DYM: variants seen among roughly 807,000 people sequenced by gnomAD.
DYM encodes dyggve-Melchior-Clausen syndrome protein.
A neutral mutation model predicts 93.1 loss-of-function variants in DYM; 78 were observed. That is an observed-to-expected ratio of 0.84 (90% CI 0.70 to 1.01). The LOEUF is 1.01. Ranked by LOEUF, DYM falls within the 50% of genes least tolerant of loss-of-function variation. The pLI is 0.00. For missense variants in DYM, 789 were observed against 845.0 expected (o/e 0.93, Z 0.82); for synonymous variants, 321 against 319.7 (o/e 1.00, Z -0.04).
chr18:49,305,914 A>G (rs1004506550), intron 8 of DYM, among the ~76,000 whole-genome samples: 5 of 152,250 alleles, frequency 3.3e-5, no homozygotes, highest in African/African-American at 1.2e-4. Flanking sequence ...TTCATTTACC[A>G]ACAGTCCATT....
At chr18:49,304,281 A>T (rs1177766421) in intron 8 of DYM, among the ~76,000 whole-genome samples, 5 of 152,138 alleles carry the variant, frequency 3.3e-5, no homozygotes, top group Admixed American at 3.3e-4. Context: ...TTCAAGTAGG[A>T]CACCCACTTC....
chr18:49,139,500 G>T (rs894126713), intron 15 of DYM, among the ~76,000 whole-genome samples: 5 of 152,096 alleles, frequency 3.3e-5, no homozygotes, highest in South Asian at 2.1e-4. Flanking sequence ...TAAAACTACT[G>T]TTTGAGGGAG....
At chr18:49,297,041 T>A (rs1332998599) in intron 8 of DYM, among the ~76,000 whole-genome samples, 1 of 152,148 alleles carries the variant, frequency 6.6e-6, no homozygotes, top group Non-Finnish European at 1.5e-5. Context: ...TTTTAAAGTG[T>A]ACAAGTAATA....
chr18:49,236,934 T>C (rs2093884857), intron 13 of DYM, among the ~76,000 whole-genome samples: 2 of 152,238 alleles, frequency 1.3e-5, no homozygotes, highest in Non-Finnish European at 2.9e-5. Context: ...TTTTCCTTGT[T>C]GCTTAACGAA....
intron 14 of DYM, among the ~76,000 whole-genome samples, chr18:49,186,020 TG>T (rs760958938): frequency 3.7e-4 from 56 of 152,320 alleles, no homozygotes; most frequent in Middle Eastern, 6.8e-3. Context: ...TTCCTGTCTT[TG>T]TGATCTATTA....
intron 2 of DYM, among the ~76,000 whole-genome samples, chr18:49,392,681 TA>T (rs869086187): frequency 0.22 from 14,755 of 67,544 alleles, 1,408 homozygotes; most frequent in African/African-American, 0.33. Flanking sequence ...GGCTTTTATT[TA>T]AAAAAAAAAA....
At chr18:49,383,356 G>A (rs1045059517) in intron 3 of DYM, among the ~76,000 whole-genome samples, 3 of 152,122 alleles carry the variant, frequency 2.0e-5, no homozygotes, top group African/African-American at 7.2e-5. Context: ...ACGGTGGAGG[G>A]AGAGGTAGAA....
At chr18:49,285,932 A>G (rs2059634962) in intron 9 of DYM, among the ~76,000 whole-genome samples, 1 of 152,230 alleles carries the variant, frequency 6.6e-6, no homozygotes, top group Non-Finnish European at 1.5e-5. Flanking sequence ...TTTACATAGT[A>G]CCTATGGCTG....
At chr18:49,365,960 A>G (rs1568324297) in intron 5 of DYM, among the ~76,000 whole-genome samples, 1 of 152,232 alleles carries the variant, frequency 6.6e-6, no homozygotes, top group African/African-American at 2.4e-5. Flanking sequence ...CCAATCTAAT[A>G]AAATAATGAA....
chr18:49,292,355 G>GACAGACAGACACACACAC (rs769423170), intron 8 of DYM, among the ~76,000 whole-genome samples: 2 of 84,744 alleles, frequency 2.4e-5, no homozygotes, highest in South Asian at 9.0e-4. Context: ...CAGACAGACA[G>GACAGACAGACACACACAC]ACACACACAC....
intron 3 of DYM, among the ~76,000 whole-genome samples, chr18:49,386,724 G>A (rs1402862767): frequency 1.3e-5 from 2 of 152,166 alleles, no homozygotes; most frequent in South Asian, 2.1e-4. Flanking sequence ...GTGAAAGTCT[G>A]AGTGAAGGGT....
At chr18:49,423,918 C>G (rs1230242416) in intron 2 of DYM, among the ~76,000 whole-genome samples, 2 of 151,904 alleles carry the variant, frequency 1.3e-5, no homozygotes, top group South Asian at 4.1e-4. Context: ...GCCTATAAAC[C>G]AAAAAAAGTC....
chr18:49,061,844 T>A (rs2076006300), intron 17 of DYM, among the ~76,000 whole-genome samples: 1 of 152,216 alleles, frequency 6.6e-6, no homozygotes, highest in South Asian at 2.1e-4. Flanking sequence ...ATAGTCAAAC[T>A]TCATATGTTT....
intron 2 of DYM, among the ~76,000 whole-genome samples, chr18:49,426,618 T>C (rs999188698): frequency 6.6e-6 from 1 of 151,860 alleles, no homozygotes; most frequent in African/African-American, 2.4e-5. Context: ...GAAATACCAA[T>C]ACCCCTTAAA....
At position 49,289,764 on chromosome 18, in the gene DYM, TATATATATAC is replaced by T. The variant is rs1374800182; in HGVS notation, c.764-3158_764-3149del. Among the ~76,000 whole-genome samples the T allele has an allele frequency of 5.2e-4, 25 of 48,460 alleles. No homozygotes were observed. In the South Asian group the frequency reaches 9.9e-3, roughly 19 times the overall value. 31.8% of individuals were successfully genotyped at this position (48,460 alleles called of 152,430 possible). A position where few individuals can be genotyped will look rare whatever the true frequency, so the allele number is the denominator to read the frequency against. ...ATATATATATATATATATATATATA[TATATATATAC>T]ACATATATATATATACACACATATA... On this transcript the variant is annotated intron_variant, in intron 8 of 17. Transcript: ENST00000675505.
intron 10 of DYM, among the ~76,000 whole-genome samples, chr18:49,279,627 G>A (rs2094922986): frequency 6.6e-6 from 1 of 152,074 alleles, no homozygotes; most frequent in African/African-American, 2.4e-5. Context: ...TTATATACCT[G>A]CATCCTTACC....
In DYM at chr18:49,440,349, ATATAG is replaced by A. The variant is rs1318551109; in HGVS notation, c.-53-9907_-53-9903del. On this transcript the variant is annotated intron_variant, in intron 1 of 17. Transcript: ENST00000675505. ...CATATACTATTATATATGATATATA[ATATAG>A]TATATGATATATAATATAGCATATT... Among the ~76,000 whole-genome samples the A allele has an allele frequency of 2.3e-5, 3 of 132,884 alleles. 1 individual carries two copies. Among genetic ancestry groups the A allele is most frequent in the Non-Finnish European group, 4.7e-5 (3 of 64,274 alleles). The allele number at this position is 132,884 out of a possible 152,430, so 87.2% of individuals were successfully genotyped here. A position where few individuals can be genotyped will look rare whatever the true frequency, so the allele number is the denominator to read the frequency against.
intron 14 of DYM, among the ~76,000 whole-genome samples, chr18:49,164,050 C>T (rs776111849): frequency 6.6e-6 from 1 of 151,972 alleles, no homozygotes; most frequent in Non-Finnish European, 1.5e-5. Flanking sequence ...GAGCATTTTT[C>T]ATAAGATTAC....
chr18:49,300,878 G>C (rs2060889420), intron 8 of DYM, among the ~76,000 whole-genome samples: 1 of 152,150 alleles, frequency 6.6e-6, no homozygotes, highest in African/African-American at 2.4e-5. Context: ...CTACTCCCTA[G>C]TTGAAAGTAA....
Sources: gnomAD v4.1 joint callset for allele counts (sites outside exome capture counted in the v4.1 genomes callset) on GRCh38, gnomAD v4.1.1 for gene constraint, MANE v1.5 for transcripts, NCBI Gene and HGNC (gene_info 2026-07-23, HGNC 2026-07-21) for gene names.